Variants in GRIK2 observed in about 807,000 individuals in gnomAD.
The protein encoded by GRIK2 is glutamate ionotropic receptor kainate type subunit 2, also known as glutamate receptor ionotropic, kainate 2.
A neutral mutation model predicts 100.3 loss-of-function variants in GRIK2; 32 were observed. The ratio of observed to expected loss-of-function variants is 0.32; its 90% CI spans 0.24 to 0.43. GRIK2 has a LOEUF of 0.43. Among genes scored for constraint, GRIK2 ranks in the 20% least tolerant of loss-of-function variants. GRIK2 has a pLI of 1.00. For missense variants in GRIK2, 843 were observed against 1,114.9 expected, an observed-to-expected ratio of 0.76 and a Z score of 3.47; for synonymous variants, 417 against 389.4, an observed-to-expected ratio of 1.07 and a Z score of -0.83.
At chr6:101,883,794 G>T (rs1207626571) in intron 11 of GRIK2, among the ~76,000 whole-genome samples, 2 of 152,130 alleles carry the variant, frequency 1.3e-5, no homozygotes, top group African/African-American at 4.8e-5. Context: ...CTCACTTGAG[G>T]ATTAGCAAGG....
At chr6:101,970,173 C>A in intron 14 of GRIK2, among the ~76,000 whole-genome samples, 1 of 151,646 alleles carries the variant, frequency 6.6e-6, no homozygotes, top group South Asian at 2.1e-4. Context: ...ATAAACCAAT[C>A]AATCAAATCT....
intron 12 of GRIK2, 55 bp downstream of exon 12, chr6:101,889,918 T>C: frequency 1.1e-6 from 1 of 909,654 alleles, no homozygotes; most frequent in Non-Finnish European, 1.8e-6. Flanking sequence ...TTTATCTAAC[T>C]AATAATTGTC....
At chr6:101,874,782 G>C (rs1785696688) in intron 11 of GRIK2, among the ~76,000 whole-genome samples, 2 of 152,060 alleles carry the variant, frequency 1.3e-5, no homozygotes, top group South Asian at 4.1e-4. Flanking sequence ...TTGGGAAGTG[G>C]TTTGTAGTTC....
At chr6:102,064,286 T>TCCTTCTCCTCC (rs1771895444) in intron 16 of GRIK2, among the ~76,000 whole-genome samples, 2 of 149,842 alleles carry the variant, frequency 1.3e-5, no homozygotes, top group South Asian at 4.2e-4. Flanking sequence ...CCTTCTCTTC[T>TCCTTCTCCTCC]CCTTCTCCTC....
chr6:101,836,436 C>A (rs73761440), intron 10 of GRIK2, among the ~76,000 whole-genome samples: 119 of 150,640 alleles, frequency 7.9e-4, no homozygotes, highest in African/African-American at 2.8e-3. Context: ...TATTTAAAAA[C>A]GTAAAATATC....
intron 16 of GRIK2, among the ~76,000 whole-genome samples, chr6:102,064,205 G>A (rs1384857965): frequency 2.0e-5 from 3 of 150,608 alleles, no homozygotes; most frequent in African/African-American, 7.3e-5. Context: ...AAGCAAGATA[G>A]TTGTCTTTCT....
chr6:102,027,478 G>A lies in GRIK2; in HGVS notation c.2086-7863G>A, dbSNP rs1351421453. ...TACCACCTGATTAACTTTTTAAGGT[G>A]TCTGAGCTGAAGTCAACATTTCTAA... is the stretch of plus-strand genomic sequence containing the variant. On this transcript the variant is annotated intron_variant, in intron 14 of 16. Coordinates refer to ENST00000369134, the MANE Select transcript of GRIK2 (RefSeq NM_021956.5). Among the ~76,000 whole-genome samples, 3 of 151,130 alleles carry A rather than the reference G, an allele frequency of 2.0e-5. No homozygotes were observed. In the East Asian group the frequency reaches 5.8e-4, roughly 29 times the overall value.
intron 12 of GRIK2, 120 bp from the exon 13 acceptor site, chr6:101,924,481 C>T (rs958901723): frequency 1.5e-6 from 1 of 649,032 alleles, no homozygotes; most frequent in Non-Finnish European, 2.8e-6. Flanking sequence ...GTAAAAATGT[C>T]TGTTTCTGCT....
At chr6:101,913,264 T>C (rs1246467776) in intron 12 of GRIK2, among the ~76,000 whole-genome samples, 1 of 151,572 alleles carries the variant, frequency 6.6e-6, no homozygotes, top group Non-Finnish European at 1.5e-5. Flanking sequence ...AATACCTCTA[T>C]TATGCCCAAG....
chr6:101,676,941 C>A, intron 5 of GRIK2, 137 bp downstream of exon 5: 2 of 554,904 alleles, frequency 3.6e-6, no homozygotes, highest in African/African-American at 2.0e-5. Flanking sequence ...GAAAGTCTGA[C>A]AATTGCTTTT....
chr6:101,791,829 T>C (rs897792691), intron 7 of GRIK2, among the ~76,000 whole-genome samples: 4 of 151,674 alleles, frequency 2.6e-5, no homozygotes, highest in Admixed American at 6.6e-5. Flanking sequence ...CCATTATTAT[T>C]GTGTGGGAGT....
intron 2 of GRIK2, among the ~76,000 whole-genome samples, chr6:101,494,971 T>TATATATATATATATATA (rs1773349547): frequency 9.3e-6 from 1 of 107,984 alleles, no homozygotes; most frequent in Non-Finnish European, 1.9e-5. Flanking sequence ...ATATATGCAT[T>TATATATATATATATATA]TATATATATA....
intron 7 of GRIK2, among the ~76,000 whole-genome samples, chr6:101,698,609 A>G (rs748249072): frequency 6.6e-5 from 10 of 152,208 alleles, no homozygotes; most frequent in Non-Finnish European, 1.3e-4. Context: ...AAAACCTCCT[A>G]TGTATTGCTA....
At chr6:102,017,952 C>A (rs1018776486) in intron 14 of GRIK2, among the ~76,000 whole-genome samples, 1 of 152,058 alleles carries the variant, frequency 6.6e-6, no homozygotes, top group Admixed American at 6.6e-5. Context: ...CATTAAAGGC[C>A]ATAGAAAAAT....
At chr6:101,826,338 A>T (rs1348342807) in intron 10 of GRIK2, among the ~76,000 whole-genome samples, 5 of 152,080 alleles carry the variant, frequency 3.3e-5, no homozygotes, top group Non-Finnish European at 7.4e-5. Context: ...TTTCTTGGGA[A>T]TGCATTAGAT....
At chr6:101,481,023 G>A (rs1227157480) in intron 2 of GRIK2, among the ~76,000 whole-genome samples, 2 of 152,190 alleles carry the variant, frequency 1.3e-5, no homozygotes, top group East Asian at 1.9e-4. Flanking sequence ...CAAGCCTATC[G>A]CTAAACCTGA....
chr6:101,725,952 C>T (rs1301517758), intron 7 of GRIK2, among the ~76,000 whole-genome samples: 4 of 151,810 alleles, frequency 2.6e-5, no homozygotes, highest in Admixed American at 6.6e-5. Context: ...ATAAAGTTTT[C>T]ATTGAGATTA....
intron 14 of GRIK2, among the ~76,000 whole-genome samples, chr6:102,022,156 A>T (rs891211723): frequency 6.6e-6 from 1 of 151,036 alleles, no homozygotes; most frequent in East Asian, 1.9e-4. Context: ...ACACACACAC[A>T]CACACACACA....
At chr6:101,515,019 A>G (rs2128279450) in intron 2 of GRIK2, among the ~76,000 whole-genome samples, 1 of 152,126 alleles carries the variant, frequency 6.6e-6, no homozygotes, top group East Asian at 1.9e-4. Context: ...ACACTGCATC[A>G]TATTTATAGT....
Sources: allele counts gnomAD v4.1 joint callset (sites outside exome capture counted in the v4.1 genomes callset), GRCh38; gene constraint gnomAD v4.1.1; transcripts MANE v1.5; gene names NCBI Gene and HGNC (gene_info 2026-07-23, HGNC 2026-07-21).